Variants in GOT2 observed in about 807,000 individuals in gnomAD.
GOT2 encodes aspartate aminotransferase, mitochondrial.
GOT2 carries 17 observed loss-of-function variants against 50.0 expected under a neutral mutation model. That is an observed-to-expected ratio of 0.34 (90% CI 0.23 to 0.51). The LOEUF (loss-of-function observed/expected upper bound fraction) is 0.51, where lower values mean the gene tolerates loss of function less well. Ranked by LOEUF, GOT2 falls within the 20% of genes least tolerant of loss-of-function variation. The pLI is 0.97. For missense variants in GOT2, 430 were observed against 559.6 expected, an observed-to-expected ratio of 0.77 and a Z score of 2.34; for synonymous variants, 172 against 204.9, an observed-to-expected ratio of 0.84 and a Z score of 1.37.
At chr16:58,728,740 G>C (rs538337500) in intron 1 of GOT2, among the ~76,000 whole-genome samples, 24 of 152,134 alleles carry the variant, frequency 1.6e-4, no homozygotes, top group Non-Finnish European at 3.4e-4. Context: ...AACTGTAGTG[G>C]CACGATCTCA....
In GOT2 at chr16:58,722,027, G is replaced by A. The variant is rs371094175; in HGVS notation, c.375+123C>T. ...ACTCCCGACCTCAGATGAACCACCC[G>A]CCTTGGCCTCCCAAAGTGGTGGGAT... is the stretch of plus-strand genomic sequence containing the variant. On this transcript the variant is annotated intron_variant, in intron 3 of 9. Coordinates refer to ENST00000245206, the MANE Select transcript of GOT2 (RefSeq NM_002080.4). 1.7e-5 allele frequency: 18 copies of A among 1,034,286 alleles called. No homozygotes were observed. The African/African-American group carries it at 1.9e-4, about 11-fold the overall frequency. 64.1% of individuals were successfully genotyped at this position (1,034,286 alleles called of 1,614,324 possible).
intron 8 of GOT2, among the ~76,000 whole-genome samples, chr16:58,714,800 C>T (rs2044678793): frequency 6.6e-6 from 1 of 151,948 alleles, no homozygotes; most frequent in African/African-American, 2.4e-5. Context: ...CAGTTATATA[C>T]ACATATAAGT....
intron 3 of GOT2, among the ~76,000 whole-genome samples, chr16:58,720,547 C>T (rs1033174934): frequency 2.0e-5 from 3 of 150,858 alleles, no homozygotes; most frequent in Non-Finnish European, 4.4e-5. Flanking sequence ...ACTGTAGGTC[C>T]GATGATACTA....
intron 1 of GOT2, among the ~76,000 whole-genome samples, chr16:58,725,347 T>G (rs1163729724): frequency 6.6e-6 from 1 of 152,108 alleles, no homozygotes; most frequent in Non-Finnish European, 1.5e-5. Flanking sequence ...ACTCCTGACC[T>G]CATGTGATTT....
chr16:58,708,402 C>A, intron 9 of GOT2, 109 bp from the exon 10 acceptor site: 1 of 1,079,084 alleles, frequency 9.3e-7, no homozygotes, highest in Non-Finnish European at 1.3e-6. Flanking sequence ...CGCTTAAAAC[C>A]TGTTCCCAGA....
chr16:58,728,574 C>A (rs1468076572), intron 1 of GOT2, among the ~76,000 whole-genome samples: 1 of 152,204 alleles, frequency 6.6e-6, no homozygotes, highest in Non-Finnish European at 1.5e-5. Flanking sequence ...AATGCAGGTC[C>A]TTTCTGTTTT....
Position 58,734,156 on chromosome 16 carries a change from C to T in GOT2, c.73G>A (p.Ala25Thr). 7.5e-7 allele frequency: 1 copy of T among 1,334,348 alleles called. No individual in the cohort carries two copies. Among genetic ancestry groups the T allele is most frequent in the Non-Finnish European group, 9.6e-7 (1 of 1,037,536 alleles). The allele number at this position is 1,334,348 out of a possible 1,614,324, so 82.7% of individuals were successfully genotyped here. ...TTGGCTTACCTGGCTCTGGCAGAGG[C>T]CGCGGCGGCGAGGCCCGGGTGGAAG... ...AAFHPGLAAAASARASSWWTH... is the reference protein window; with the variant it reads ...AAFHPGLAAATSARASSWWTH... The change falls in exon 1 of 10, where the codon GCC (alanine) becomes ACC (threonine). Residue 25 changes from alanine (A) to threonine (T), a missense_variant. By Grantham distance (58) the Ala-to-Thr change is moderately conservative. Coordinates refer to ENST00000245206, the MANE Select transcript of GOT2 (RefSeq NM_002080.4).
In GOT2 at chr16:58,716,721, G is replaced by A. The variant is rs1473050414; in HGVS notation, c.795C>T (p.Ile265=). The change falls in exon 7 of 10, where the codon ATC becomes ATT. Residue 265 remains isoleucine, a synonymous_variant. Coordinates refer to ENST00000245206, the MANE Select transcript of GOT2 (RefSeq NM_002080.4). ...DKDAWAVRHF[I]EQGINVCLCQ... ...AGAGGCAAACATTAATGCCCTGTTC[G>A]ATGAAGTGGCGCACAGCCCAGGCAT... 4 of 1,613,782 alleles carry A rather than the reference G, an allele frequency of 2.5e-6. No individual in the cohort carries two copies. Among genetic ancestry groups the A allele is most frequent in the African/African-American group, 1.3e-5 (1 of 74,934 alleles).
chr16:58,711,796 G>A (rs1277748682), intron 8 of GOT2, among the ~76,000 whole-genome samples: 2 of 152,140 alleles, frequency 1.3e-5, no homozygotes, highest in Non-Finnish European at 2.9e-5. Context: ...GGATCCCAAA[G>A]ATATTGAGTG....
intron 8 of GOT2, among the ~76,000 whole-genome samples, chr16:58,709,964 G>A (rs1214451961): frequency 6.6e-6 from 1 of 152,222 alleles, no homozygotes; most frequent in African/African-American, 2.4e-5. Context: ...ATGGCTTTGT[G>A]TTAGATGATT....
chr16:58,722,278 C>A lies in GOT2; in HGVS notation c.247G>T (p.Ala83Ser), dbSNP rs139272931. 14 of 1,613,184 alleles carry A rather than the reference C, an allele frequency of 8.7e-6. No homozygotes were observed. In the Admixed American group the frequency reaches 1.7e-4, roughly 19 times the overall value. Residue 83 changes from alanine (A) to serine (S), a missense_variant and splice_region_variant, in exon 3 of 10, where the codon GCA (alanine) becomes TCA (serine). Coordinates refer to ENST00000245206, the MANE Select transcript of GOT2 (RefSeq NM_002080.4). ...TTTTTTGCGGCAATCTGGGCCTCTG[C>A]CTAGACAAGAGAAAATACATCCATT... ...KPYVLPSVRK[A>S]EAQIAAKNLD... is the part of the protein sequence containing the mutation.
chr16:58,709,884 T>C (rs1212544357), intron 8 of GOT2, among the ~76,000 whole-genome samples: 1 of 152,224 alleles, frequency 6.6e-6, no homozygotes, highest in East Asian at 1.9e-4. Context: ...TAAGTACCCA[T>C]ACAGCCATTT....
At chr16:58,724,997 T>C (rs576941731) in intron 1 of GOT2, among the ~76,000 whole-genome samples, 21 of 152,322 alleles carry the variant, frequency 1.4e-4, no homozygotes, top group South Asian at 6.2e-4. Flanking sequence ...AGGTATCTTG[T>C]AGGATGCCCC....
intron 9 of GOT2, among the ~76,000 whole-genome samples, 184 bp from the exon 10 acceptor site, chr16:58,708,477 C>T (rs140604195): frequency 4.1e-4 from 63 of 152,252 alleles, no homozygotes; most frequent in East Asian, 1.3e-3. Context: ...CGGTGGCTCA[C>T]ACTTGTAATC....
rs2044758730 is a variant in GOT2, at chr16:58,723,733, A to T, written c.246+13T>A. On this transcript the variant is annotated intron_variant, in intron 2 of 9. Transcript: ENST00000245206. ...ATTCATCCCATTCAAAAGGAGATGAACAGCAAGCTCACCTTGCGGACGCTA... is the reference window on the plus strand; with the variant it reads ...ATTCATCCCATTCAAAAGGAGATGATCAGCAAGCTCACCTTGCGGACGCTA... The T allele has an allele frequency of 1.2e-6, 2 of 1,607,280 alleles. No homozygotes were observed. Among genetic ancestry groups the T allele is most frequent in the East Asian group, 4.5e-5 (2 of 44,806 alleles).
chr16:58,716,682 G>C lies in GOT2; in HGVS notation c.834C>G (p.Ala278=). The change falls in exon 7 of 10, where the codon GCC becomes GCG. Residue 278 remains alanine (A), a synonymous_variant. Coordinates refer to ENST00000245206, the MANE Select transcript of GOT2 (RefSeq NM_002080.4). ...GCTTACCATATAAGCCCATGTTCTTGGCATATGATTGGCAGAGGCAAACAT... is the reference window on the plus strand; with the variant it reads ...GCTTACCATATAAGCCCATGTTCTTCGCATATGATTGGCAGAGGCAAACAT... ...GINVCLCQSY[A]KNMGLYGERV... is the part of the protein sequence containing the mutation. 2 of 1,613,758 alleles carry C rather than the reference G, an allele frequency of 1.2e-6. No homozygotes were observed. The highest frequency in any genetic ancestry group is 1.7e-6 in the Non-Finnish European group (2 of 1,179,836).
intron 2 of GOT2, 21 bp from the exon 3 acceptor site, chr16:58,722,299 C>T: frequency 6.2e-7 from 1 of 1,609,800 alleles, no homozygotes; most frequent in Admixed American, 1.7e-5. Context: ...GAAAATACAT[C>T]CATTGAATTT....
At chr16:58,731,544 G>C (rs1378037414) in intron 1 of GOT2, among the ~76,000 whole-genome samples, 1 of 152,160 alleles carries the variant, frequency 6.6e-6, no homozygotes, top group African/African-American at 2.4e-5. Context: ...TAAATAATCA[G>C]AATTAAATAA....
chr16:58,712,132 C>T (rs1319094393), intron 8 of GOT2, among the ~76,000 whole-genome samples: 1 of 152,092 alleles, frequency 6.6e-6, no homozygotes, highest in East Asian at 1.9e-4. Flanking sequence ...TCACATGCCG[C>T]AGTCCTCATT....
Sources: gnomAD v4.1 joint callset for allele counts (sites outside exome capture counted in the v4.1 genomes callset) on GRCh38, gnomAD v4.1.1 for gene constraint, MANE v1.5 for transcripts, NCBI Gene and HGNC (gene_info 2026-07-23, HGNC 2026-07-21) for gene names.